ZNF483: variants seen among roughly 807,000 people sequenced by gnomAD.
ZNF483 encodes zinc finger protein 483, also known as zinc finger protein HIT-10.
ZNF483 carries 9 observed loss-of-function variants against 28.6 expected under a neutral mutation model. The ratio of observed to expected loss-of-function variants is 0.32; its 90% CI spans 0.19 to 0.55. The LOEUF (loss-of-function observed/expected upper bound fraction) is 0.55. Among genes scored for constraint, ZNF483 ranks in the 20% least tolerant of loss-of-function variants. The pLI is 0.93. For missense variants in ZNF483, 675 were observed against 871.7 expected (o/e 0.77, Z 2.84); for synonymous variants, 322 against 306.2 (o/e 1.05, Z -0.54).
intron 5 of ZNF483, chr9:111,575,357 C>T (rs1211019858): frequency 6.6e-6 from 1 of 152,252 alleles, no homozygotes; most frequent in African/African-American, 2.4e-5. Context: ...AAGACCATAC[C>T]TTTTATAACT....
chr9:111,534,153 T>A, intron 4 of ZNF483, 108 bp from the exon 5 acceptor site: 3 of 962,022 alleles, frequency 3.1e-6, no homozygotes, highest in Non-Finnish European at 4.8e-6. Context: ...CTGTGTATTT[T>A]GGTAGCATGT....
rs552243051 is a variant in ZNF483, at chr9:111,541,994, C to T, written c.1059C>T (p.Thr353=). 1.2e-5 allele frequency: 20 copies of T among 1,613,972 alleles called. No individual in the cohort carries two copies. The highest frequency in any genetic ancestry group is 6.7e-5 in the Admixed American group (4 of 59,992). ...TTGTTCTGAACCGCAAGGAGAAAAC[C>T]GCCGGAGAAAAGTCACGGAAATCTA... ...SDLVLNRKEK[T]AGEKSRKSND... is the part of the protein sequence containing the mutation. Residue 353 remains threonine (T), a synonymous_variant, in exon 6 of 6, where the codon ACC becomes ACT. Transcript: ENST00000309235.
At position 111,530,954 on chromosome 9, in the gene ZNF483, T is replaced by C; in HGVS notation, c.492T>C (p.Thr164=). The C allele has an allele frequency of 6.6e-7, 1 of 1,510,862 alleles. No homozygotes were observed. The highest frequency in any genetic ancestry group is 1.2e-5 in the South Asian group (1 of 80,588). 93.6% of individuals were successfully genotyped at this position (1,510,862 alleles called of 1,614,324 possible). Residue 164 remains threonine, a synonymous_variant, in exon 3 of 6, where the codon ACT becomes ACC. Coordinates refer to ENST00000309235, the MANE Select transcript of ZNF483 (RefSeq NM_133464.5). ...AAATGGTCACTGTTTGTCCCAATAC[T>C]GAGTCCTGTGTAAGTTTCCTTTGAT... ...EDKMVTVCPN[T]ESCESITLKD... is the part of the protein sequence containing the mutation.
At position 111,555,183 on chromosome 9, in the gene ZNF483, G is replaced by A. The variant is rs1314362072; in HGVS notation, c.*12013G>A. Among the ~76,000 whole-genome samples the A allele has an allele frequency of 6.6e-6, 1 of 152,034 alleles. No individual in the cohort carries two copies. Among genetic ancestry groups the A allele is most frequent in the Non-Finnish European group, 1.5e-5 (1 of 68,002 alleles). On this transcript the variant is annotated 3_prime_UTR_variant, in exon 6 of 6. Coordinates refer to ENST00000309235, the MANE Select transcript of ZNF483 (RefSeq NM_133464.5). ...ATTTCCATCCTCCTCCAGGCCCAGG[G>A]TACCCAAGTTAATAGCCTATCAAGT... is the stretch of plus-strand genomic sequence containing the variant.
intron 2 of ZNF483, 39 bp downstream of exon 2, chr9:111,527,846 G>T (rs762972995): frequency 1.9e-6 from 3 of 1,614,116 alleles, no homozygotes; most frequent in Admixed American, 1.7e-5. Flanking sequence ...GGGAGACATT[G>T]CCTCAAAGTC....
chr9:111,544,348 A>ATGTG lies in ZNF483; in HGVS notation c.*1200_*1203dup, dbSNP rs111820702. 0.016 allele frequency: 15,062 copies of ATGTG among 952,912 alleles called. 746 individuals are homozygous for ATGTG. In the African/African-American group the frequency reaches 0.19, roughly 12 times the overall value. The allele number at this position is 952,912 out of a possible 1,614,324, so 59.0% of individuals were successfully genotyped here. On this transcript the variant is annotated 3_prime_UTR_variant, in exon 6 of 6. Transcript: ENST00000309235. ...TAACAATTTGCTTGGGTGTGTGTGCATGTGTGTGTGTGTGTGTGTGTGTGT... is the reference window on the plus strand; with the variant it reads ...TAACAATTTGCTTGGGTGTGTGTGCATGTGTGTGTGTGTGTGTGTGTGTGTGTGT...
rs1306963272 is a variant in ZNF483 at position 111,547,005 on chromosome 9, A to G, written c.*3835A>G. On this transcript the variant is annotated 3_prime_UTR_variant, in exon 6 of 6. Transcript: ENST00000309235. ...TTTCAAGGTTCGGCCGTGTTGTAGCACATATCAGAATTTAATTCCTTTTTA... is the reference window on the plus strand; with the variant it reads ...TTTCAAGGTTCGGCCGTGTTGTAGCGCATATCAGAATTTAATTCCTTTTTA... Among the ~76,000 whole-genome samples, 1 of 152,134 alleles carries G rather than the reference A, an allele frequency of 6.6e-6. No homozygotes were observed. The highest frequency in any genetic ancestry group is 2.4e-5 in the African/African-American group (1 of 41,444).
intron 2 of ZNF483, among the ~76,000 whole-genome samples, chr9:111,530,440 G>A (rs1827294635): frequency 6.6e-6 from 1 of 152,052 alleles, no homozygotes; most frequent in South Asian, 2.1e-4. Context: ...TTGGAACCCA[G>A]GGAGGGGCTC....
In ZNF483 at chr9:111,549,007, G is replaced by A. The variant is rs1827865394; in HGVS notation, c.*5837G>A. ...CAGCTTGATTATAACTTGTCTTGGT[G>A]TCTCTGTGGGGTGAGGGTAGGAGTC... On this transcript the variant is annotated 3_prime_UTR_variant, in exon 6 of 6. Coordinates refer to ENST00000309235, the MANE Select transcript of ZNF483 (RefSeq NM_133464.5). Among the ~76,000 whole-genome samples the A allele has an allele frequency of 6.6e-6, 1 of 152,048 alleles. No homozygotes were observed. Among genetic ancestry groups the A allele is most frequent in the African/African-American group, 2.4e-5 (1 of 41,378 alleles).
At chr9:111,537,226 C>CA in intron 5 of ZNF483, among the ~76,000 whole-genome samples, 1 of 143,112 alleles carries the variant, frequency 7.0e-6, no homozygotes, top group East Asian at 2.0e-4. Flanking sequence ...CATTACGTGG[C>CA]TTTTTTTTTT....
In ZNF483 at chr9:111,541,738, G is replaced by A. The variant is rs779119077; in HGVS notation, c.803G>A (p.Cys268Tyr). 3 of 1,614,192 alleles carry A rather than the reference G, an allele frequency of 1.9e-6. No homozygotes were observed. Among genetic ancestry groups the A allele is most frequent in the Non-Finnish European group, 2.5e-6 (3 of 1,180,040 alleles). Residue 268 changes from cysteine (C) to tyrosine (Y), a missense_variant, in exon 6 of 6, where the codon TGT (cysteine) becomes TAT (tyrosine). This residue lies in a region of ZNF483 where 525 missense variants were observed against 581.8 expected (regional missense o/e 0.90). Transcript: ENST00000309235. ...TTGATGGAAGAATCCCAGCAATATTGTGGCAGCTCAGAGGAGGATCACGGT... is the reference window on the plus strand; with the variant it reads ...TTGATGGAAGAATCCCAGCAATATTATGGCAGCTCAGAGGAGGATCACGGT... ...HGLMEESQQY[C>Y]GSSEEDHGNQ... is the part of the protein sequence containing the mutation.
chr9:111,561,438 A>G (rs1388383691), intron 5 of ZNF483, among the ~76,000 whole-genome samples: 1 of 151,788 alleles, frequency 6.6e-6, no homozygotes, highest in Non-Finnish European at 1.5e-5. Flanking sequence ...ATGCCCAGCT[A>G]ATTTGAAAAT....
intron 5 of ZNF483, among the ~76,000 whole-genome samples, chr9:111,561,118 G>T (rs1358155656): frequency 1.6e-3 from 82 of 52,626 alleles, no homozygotes; most frequent in African/African-American, 2.1e-3. Context: ...TATAGAGAGA[G>T]AGAGAGAGAG....
At chr9:111,533,108 A>G (rs915618693) in intron 3 of ZNF483, among the ~76,000 whole-genome samples, 1 of 152,242 alleles carries the variant, frequency 6.6e-6, no homozygotes, top group Non-Finnish European at 1.5e-5. Flanking sequence ...TACCTGTAGT[A>G]AGCTTACATT....
intron 5 of ZNF483, among the ~76,000 whole-genome samples, chr9:111,536,210 T>A (rs2132239668): frequency 6.6e-6 from 1 of 151,492 alleles, no homozygotes; most frequent in South Asian, 2.1e-4. Flanking sequence ...ATATATATAT[T>A]AAATTTACAT....
At chr9:111,527,226 G>T (rs750044302) in intron 1 of ZNF483, 42 bp from the exon 2 acceptor site, 1 of 649,786 alleles carries the variant, frequency 1.5e-6, no homozygotes. Flanking sequence ...ACTAACAACA[G>T]TTTTTTTACT....
rs182339831 is a variant in ZNF483, at chr9:111,547,712, A to G, written c.*4542A>G. ...CTTTTCTGGTCATACCCAAGAAACCATGGCCAAATCCAATGTCATGAAGCT... is the reference window on the plus strand; with the variant it reads ...CTTTTCTGGTCATACCCAAGAAACCGTGGCCAAATCCAATGTCATGAAGCT... On this transcript the variant is annotated 3_prime_UTR_variant, in exon 6 of 6. Coordinates refer to ENST00000309235, the MANE Select transcript of ZNF483 (RefSeq NM_133464.5). Among the ~76,000 whole-genome samples, 27 of 152,242 alleles carry G rather than the reference A, an allele frequency of 1.8e-4. No homozygotes were observed. Among genetic ancestry groups the G allele is most frequent in the African/African-American group, 6.3e-4 (26 of 41,558 alleles).
rs1385682472 is a variant in ZNF483 at position 111,553,694 on chromosome 9, G to T, written c.*10524G>T. On this transcript the variant is annotated 3_prime_UTR_variant, in exon 6 of 6. Coordinates refer to ENST00000309235, the MANE Select transcript of ZNF483 (RefSeq NM_133464.5). ...TGCAATGCAGTGGTTAAAGTGAATT[G>T]TAGTTCTATCAAAATAAAGATACGT... Among the ~76,000 whole-genome samples, 1 of 152,208 alleles carries T rather than the reference G, an allele frequency of 6.6e-6. No homozygotes were observed. Among genetic ancestry groups the T allele is most frequent in the Non-Finnish European group, 1.5e-5 (1 of 68,034 alleles).
chr9:111,572,760 A>T (rs933155511), intron 5 of ZNF483, among the ~76,000 whole-genome samples: 1 of 120,126 alleles, frequency 8.3e-6, no homozygotes, highest in Non-Finnish European at 1.9e-5. Context: ...CTGTCTCAAA[A>T]AAAAAAAAAA....
Sources: gnomAD v4.1 joint callset for allele counts (sites outside exome capture counted in the v4.1 genomes callset) on GRCh38, gnomAD v4.1.1 for gene constraint, gnomAD v4.1.1 regional missense constraint, MANE v1.5 for transcripts, NCBI Gene and HGNC (gene_info 2026-07-23, HGNC 2026-07-21) for gene names.